Variants in FSTL4 observed in about 807,000 individuals in gnomAD.
The protein encoded by FSTL4 is follistatin like 4.
FSTL4 carries 28 observed loss-of-function variants against 78.2 expected under a neutral mutation model. The ratio of observed to expected loss-of-function variants is 0.36; its 90% confidence interval spans 0.27 to 0.49. The LOEUF (loss-of-function observed/expected upper bound fraction) is 0.49, where lower values mean the gene tolerates loss of function less well. Ranked by LOEUF, FSTL4 falls within the 20% of genes least tolerant of loss-of-function variation. The pLI is 0.98. For synonymous variants in FSTL4, 422 were observed against 440.5 expected (o/e 0.96, Z 0.53); for missense variants, 922 against 1,084.9 (o/e 0.85, Z 2.11).
chr5:133,745,462 T>G, the FSTL4 span, among the ~76,000 whole-genome samples: 1 of 152,248 alleles, frequency 6.6e-6, no homozygotes, highest in Non-Finnish European at 1.5e-5. Context: ...GTAAAATTTA[T>G]AAATCCACAC....
At chr5:133,257,843 T>C (rs936111936) in intron 6 of FSTL4, among the ~76,000 whole-genome samples, 2 of 152,206 alleles carry the variant, frequency 1.3e-5, no homozygotes, top group Non-Finnish European at 1.5e-5. Flanking sequence ...CACCCAAAGA[T>C]GATGGGCATA....
intron 4 of FSTL4, among the ~76,000 whole-genome samples, chr5:133,318,838 G>A (rs1753974372): frequency 6.6e-6 from 1 of 152,348 alleles, no homozygotes; most frequent in Admixed American, 6.5e-5. Context: ...AACCACTTCT[G>A]AGCTGCCTGC....
chr5:133,335,853 T>C (rs1754452612), intron 4 of FSTL4, among the ~76,000 whole-genome samples: 1 of 152,112 alleles, frequency 6.6e-6, no homozygotes, highest in Non-Finnish European at 1.5e-5. Context: ...TGAATTATTA[T>C]ACCCACCACA....
At chr5:133,221,903 T>TTTG (rs1561626735) in intron 11 of FSTL4, among the ~76,000 whole-genome samples, 3 of 106,420 alleles carry the variant, frequency 2.8e-5, no homozygotes, top group Admixed American at 8.7e-5. Flanking sequence ...TTTTTTTTTT[T>TTTG]TTTTTTTTTT....
chr5:133,773,999 G>A, the FSTL4 span, among the ~76,000 whole-genome samples: 1 of 152,196 alleles, frequency 6.6e-6, no homozygotes, highest in Non-Finnish European at 1.5e-5. Flanking sequence ...GAGACCTGAA[G>A]TGGCTCTGGC....
chr5:133,577,997 C>G (rs1307196478), intron 2 of FSTL4, among the ~76,000 whole-genome samples: 2 of 152,170 alleles, frequency 1.3e-5, no homozygotes, highest in African/African-American at 4.8e-5. Context: ...CCCTCTATTG[C>G]CTATCTTACA....
chr5:133,295,277 T>C (rs35341046), intron 6 of FSTL4, among the ~76,000 whole-genome samples: 2,337 of 152,262 alleles, frequency 0.015, 38 homozygotes, highest in Non-Finnish European at 0.02. Context: ...GCTTCTTTCC[T>C]GTTAACTGGG....
chr5:133,625,383 T>C, the FSTL4 span, among the ~76,000 whole-genome samples: 1 of 151,666 alleles, frequency 6.6e-6, no homozygotes, highest in Non-Finnish European at 1.5e-5. Flanking sequence ...TTAATTTTAG[T>C]TGTCAAATTT....
At chr5:133,836,735 A>G in the FSTL4 span, among the ~76,000 whole-genome samples, 1 of 151,610 alleles carries the variant, frequency 6.6e-6, no homozygotes, top group Admixed American at 6.6e-5. Context: ...TCTGTGTTGG[A>G]GATTATTTTG....
the FSTL4 span, among the ~76,000 whole-genome samples, chr5:133,785,524 C>T: frequency 1.3e-5 from 2 of 152,138 alleles, no homozygotes; most frequent in East Asian, 3.9e-4. Flanking sequence ...CCCTGCTTGG[C>T]CTTTTAGAGG....
intron 3 of FSTL4, among the ~76,000 whole-genome samples, chr5:133,454,363 T>C (rs763876647): frequency 1.3e-5 from 2 of 152,184 alleles, no homozygotes; most frequent in Non-Finnish European, 2.9e-5. Context: ...AAATGAAACT[T>C]GGCAAGGAAA....
Position 133,236,533 on chromosome 5 carries a change from C to T in FSTL4, c.895-2996G>A, listed in dbSNP as rs887836855. 2.0e-5 allele frequency among the ~76,000 whole-genome samples: 3 copies of T among 152,212 alleles called. No homozygotes were observed. The highest frequency in any genetic ancestry group is 1.3e-4 in the Admixed American group (2 of 15,290). On this transcript the variant is annotated intron_variant, in intron 7 of 15. Transcript: ENST00000265342. This position sits in a 1 kb window ranked among gnomAD's most constrained non-coding sequence, Gnocchi z 5.0. ...TCATTCAGAGTGGGGTCTTCTCTCA[C>T]CACCTCCATCGCTCCTGCTCTGGCC...
the FSTL4 span, among the ~76,000 whole-genome samples, chr5:133,694,368 C>T: frequency 6.6e-6 from 1 of 152,236 alleles, no homozygotes; most frequent in African/African-American, 2.4e-5. Context: ...TCCTCTACAC[C>T]TCCACTCCAC....
the FSTL4 span, among the ~76,000 whole-genome samples, chr5:133,836,142 T>C: frequency 6.6e-6 from 1 of 152,240 alleles, no homozygotes; most frequent in Non-Finnish European, 1.5e-5. Flanking sequence ...CTAACAATCT[T>C]CATCCTGTAA....
At chr5:133,239,299 T>C (rs747704979) in intron 7 of FSTL4, among the ~76,000 whole-genome samples, 3 of 139,012 alleles carry the variant, frequency 2.2e-5, no homozygotes, top group Admixed American at 7.9e-5. Context: ...TGCTCCCTGC[T>C]CCAGGGCGCC....
chr5:133,240,472 C>G (rs1272260221), intron 7 of FSTL4, among the ~76,000 whole-genome samples: 1 of 152,188 alleles, frequency 6.6e-6, no homozygotes, highest in Non-Finnish European at 1.5e-5. Flanking sequence ...TGGAGTGGGC[C>G]TGTCCTCCTG....
intron 3 of FSTL4, among the ~76,000 whole-genome samples, chr5:133,528,328 T>G (rs1265180482): frequency 6.6e-6 from 1 of 152,188 alleles, no homozygotes; most frequent in African/African-American, 2.4e-5. Context: ...GAGTTTTTGT[T>G]CCTAACTCAA....
At chr5:133,468,088 C>A (rs892583448) in intron 3 of FSTL4, among the ~76,000 whole-genome samples, 20 of 152,292 alleles carry the variant, frequency 1.3e-4, no homozygotes, top group African/African-American at 4.6e-4. Flanking sequence ...TACCAGGCAC[C>A]AGGTGACTTA....
intron 2 of FSTL4, among the ~76,000 whole-genome samples, chr5:133,571,230 C>T (rs1760147772): frequency 6.6e-6 from 1 of 152,152 alleles, no homozygotes; most frequent in Non-Finnish European, 1.5e-5. Context: ...ACTGCTAAGA[C>T]CATATATTCT....
Sources: allele counts gnomAD v4.1 joint callset (sites outside exome capture counted in the v4.1 genomes callset), GRCh38; gene constraint gnomAD v4.1.1; non-coding constraint Gnocchi (gnomAD v3.1); transcripts MANE v1.5; gene names NCBI Gene and HGNC (gene_info 2026-07-23, HGNC 2026-07-21).